Variants in GALNT13 observed in about 807,000 individuals in gnomAD.
GALNT13 encodes polypeptide N-acetylgalactosaminyltransferase 13.
GALNT13 carries 28 observed loss-of-function variants against 64.2 expected under a neutral mutation model. The observed-to-expected ratio is 0.44, with a 90% confidence interval of 0.32 to 0.60. The LOEUF (loss-of-function observed/expected upper bound fraction) is 0.60, where lower values mean the gene tolerates loss of function less well. GALNT13 is among the 20% of genes least tolerant of loss of function. The probability of loss-of-function intolerance (pLI) is 0.05; values close to 1 mark genes in which losing one functional copy is unlikely to be tolerated. For synonymous variants in GALNT13, 214 were observed against 224.6 expected (o/e 0.95, Z 0.42); for missense variants, 577 against 669.8 (o/e 0.86, Z 1.53).
At chr2:153,216,018 A>C in the GALNT13 span, among the ~76,000 whole-genome samples, 1 of 151,950 alleles carries the variant, frequency 6.6e-6, no homozygotes, top group Non-Finnish European at 1.5e-5. Flanking sequence ...TGGTAACTGC[A>C]AATCTGTTTC....
At chr2:153,716,322 C>A in the GALNT13 span, among the ~76,000 whole-genome samples, 1 of 152,148 alleles carries the variant, frequency 6.6e-6, no homozygotes, top group Non-Finnish European at 1.5e-5. Context: ...TGTAAACTTT[C>A]TTAAAACATT....
At chr2:153,998,570 A>C (rs1252782689) in intron 3 of GALNT13, among the ~76,000 whole-genome samples, 1 of 152,178 alleles carries the variant, frequency 6.6e-6, no homozygotes, top group Non-Finnish European at 1.5e-5. Flanking sequence ...ATAGATTGCA[A>C]AAATGTTTAC....
the GALNT13 span, among the ~76,000 whole-genome samples, chr2:153,602,410 T>C: frequency 6.6e-6 from 1 of 151,348 alleles, no homozygotes; most frequent in East Asian, 1.9e-4. Context: ...GAAATCAAGA[T>C]TTAGTTTGGT....
the GALNT13 span, among the ~76,000 whole-genome samples, chr2:153,802,418 C>T: frequency 1.3e-5 from 2 of 152,170 alleles, no homozygotes; most frequent in East Asian, 3.9e-4. Flanking sequence ...TACTATTAGT[C>T]ACTCTATTAG....
chr2:154,216,805 T>C (rs1324001127), intron 4 of GALNT13, among the ~76,000 whole-genome samples: 4 of 132,238 alleles, frequency 3.0e-5, no homozygotes, highest in Non-Finnish European at 6.4e-5. Flanking sequence ...TCTCTCTCTT[T>C]TTTTTTTTTT....
the GALNT13 span, among the ~76,000 whole-genome samples, chr2:153,416,032 C>A: frequency 6.6e-6 from 1 of 152,192 alleles, no homozygotes; most frequent in Non-Finnish European, 1.5e-5. Context: ...ACCACTAAAT[C>A]TACTGAAATT....
the GALNT13 span, among the ~76,000 whole-genome samples, chr2:153,820,046 C>A: frequency 2.0e-5 from 3 of 152,280 alleles, no homozygotes; most frequent in Non-Finnish European, 4.4e-5. Context: ...AAGAGATAAA[C>A]ATTTTTAAAA....
chr2:154,364,132 T>C (rs1329414882), intron 9 of GALNT13, among the ~76,000 whole-genome samples: 1 of 152,136 alleles, frequency 6.6e-6, no homozygotes, highest in Non-Finnish European at 1.5e-5. Flanking sequence ...TTAAATGAAA[T>C]CATAATTTCT....
chr2:153,414,996 C>T, the GALNT13 span, among the ~76,000 whole-genome samples: 1 of 150,640 alleles, frequency 6.6e-6, no homozygotes, highest in African/African-American at 2.4e-5. Flanking sequence ...GCTTTGCTCT[C>T]CCAGGTAGTA....
chr2:153,880,313 T>C (rs1020965182), intron 1 of GALNT13, among the ~76,000 whole-genome samples: 66 of 152,170 alleles, frequency 4.3e-4, no homozygotes, highest in African/African-American at 1.5e-3. Flanking sequence ...CTTTCTGTTA[T>C]TTAATATTTT....
chr2:153,631,505 A>C, the GALNT13 span, among the ~76,000 whole-genome samples: 1 of 152,186 alleles, frequency 6.6e-6, no homozygotes, highest in African/African-American at 2.4e-5. Flanking sequence ...TCGCCGTTCT[A>C]ACTGGTGTGA....
chr2:154,300,914 G>A (rs1334797437), intron 8 of GALNT13, among the ~76,000 whole-genome samples: 2 of 152,124 alleles, frequency 1.3e-5, no homozygotes, highest in Non-Finnish European at 2.9e-5. Context: ...TGTAGACCTT[G>A]AGCACCTATA....
the GALNT13 span, chr2:153,478,813 G>A: frequency 1.3e-5 from 6 of 447,986 alleles, no homozygotes; most frequent in South Asian, 1.1e-4. Flanking sequence ...GCTCGCTCGA[G>A]GGGGGGCTGT....
the GALNT13 span, among the ~76,000 whole-genome samples, chr2:153,122,738 G>A: frequency 1.3e-5 from 2 of 152,066 alleles, no homozygotes; most frequent in Admixed American, 1.3e-4. Context: ...GTAAATATCA[G>A]TTTCCAGGGG....
chr2:154,025,390 T>C (rs897959416), intron 3 of GALNT13, among the ~76,000 whole-genome samples: 1 of 152,206 alleles, frequency 6.6e-6, no homozygotes. Flanking sequence ...CTTTCACTAA[T>C]GTTTTAGTAC....
chr2:154,324,902 A>C (rs1217970903), intron 9 of GALNT13, among the ~76,000 whole-genome samples: 1 of 152,080 alleles, frequency 6.6e-6, no homozygotes, highest in Non-Finnish European at 1.5e-5. Context: ...GAAGCTCCAG[A>C]AGTAGTATGT....
intron 2 of GALNT13, among the ~76,000 whole-genome samples, chr2:153,914,279 T>A (rs1205656666): frequency 2.6e-5 from 4 of 151,906 alleles, no homozygotes; most frequent in African/African-American, 9.7e-5. Flanking sequence ...AGGTCAGGAG[T>A]TCGAGACCAG....
chr2:153,922,985 C>T (rs1471037612), intron 2 of GALNT13, among the ~76,000 whole-genome samples: 6 of 151,938 alleles, frequency 3.9e-5, no homozygotes, highest in East Asian at 1.9e-4. Flanking sequence ...CTGCAACCTC[C>T]GCCTCCCGGG....
chr2:154,149,194 C>G (rs113051228), intron 4 of GALNT13, among the ~76,000 whole-genome samples: 1 of 152,122 alleles, frequency 6.6e-6, no homozygotes, highest in Non-Finnish European at 1.5e-5. Context: ...AATCCTTTCC[C>G]CATTGCTTAT....
Sources: allele counts gnomAD v4.1 joint callset (sites outside exome capture counted in the v4.1 genomes callset), GRCh38; gene constraint gnomAD v4.1.1; transcripts MANE v1.5; gene names NCBI Gene and HGNC (gene_info 2026-07-23, HGNC 2026-07-21).